DCSTAMP: variants seen among roughly 807,000 people sequenced by gnomAD.
DCSTAMP encodes dendritic cell-specific transmembrane protein.
In DCSTAMP, 25 loss-of-function variants were observed where a neutral mutation model predicts 33.8. That is an observed-to-expected ratio of 0.74 (90% confidence interval 0.54 to 1.03). The LOEUF (loss-of-function observed/expected upper bound fraction) is 1.03. DCSTAMP is among the 50% of genes least tolerant of loss of function. The pLI is 0.00. For missense variants in DCSTAMP, 531 were observed against 556.8 expected (o/e 0.95, Z 0.47); for synonymous variants, 245 against 216.7 (o/e 1.13, Z -1.15).
upstream of DCSTAMP, chr8:104,339,820 G>A (rs1429967971): frequency 6.6e-6 from 1 of 152,108 alleles, no homozygotes; most frequent in Non-Finnish European, 1.5e-5. Flanking sequence ...ACAGCCCTTG[G>A]GAAGTGCATT....
At chr8:104,352,119 G>C (rs1810477640) in intron 2 of DCSTAMP, among the ~76,000 whole-genome samples, 1 of 152,136 alleles carries the variant, frequency 6.6e-6, no homozygotes, top group Admixed American at 6.5e-5. Context: ...AATGTTGCCT[G>C]CAAACCCTCC....
At chr8:104,352,931 G>A (rs543282087) in intron 2 of DCSTAMP, among the ~76,000 whole-genome samples, 31 of 152,340 alleles carry the variant, frequency 2.0e-4, no homozygotes, top group African/African-American at 7.2e-4. Context: ...TGCCCTTGGG[G>A]GCTCCTTGTC....
At chr8:104,346,362 C>T (rs2514667) in intron 1 of DCSTAMP, among the ~76,000 whole-genome samples, 55,603 of 152,088 alleles carry the variant, frequency 0.37, 12,796 homozygotes, top group Non-Finnish European at 0.52. Flanking sequence ...CCCACCTGCC[C>T]GCAGTCCTCC....
intron 1 of DCSTAMP, among the ~76,000 whole-genome samples, chr8:104,344,927 G>C (rs1810260061): frequency 6.6e-6 from 1 of 152,104 alleles, no homozygotes; most frequent in South Asian, 2.1e-4. Flanking sequence ...CACCTTGGAG[G>C]TTGGTACAAT....
At chr8:104,354,119 A>C (rs1810544858) in intron 2 of DCSTAMP, among the ~76,000 whole-genome samples, 1 of 152,304 alleles carries the variant, frequency 6.6e-6, no homozygotes, top group South Asian at 2.1e-4. Context: ...TTCAAAAAGA[A>C]GGAATGTACC....
rs754939866 is a variant in DCSTAMP at position 104,348,655 on chromosome 8, G to T, written c.103G>T (p.Val35Phe). 38 of 1,614,106 alleles carry T rather than the reference G, an allele frequency of 2.4e-5. No individual in the cohort carries two copies. Among genetic ancestry groups the T allele is most frequent in the Non-Finnish European group, 3.1e-5 (37 of 1,180,048 alleles). The change falls in exon 2 of 4, where the codon GTT (valine) becomes TTT (phenylalanine). Residue 35 changes from valine to phenylalanine, a missense_variant. Coordinates refer to ENST00000297581, the MANE Select transcript of DCSTAMP (RefSeq NM_030788.4). ...GATGGACTTTATCCAGCATTTGGGA[G>T]TTTGCTGTTTGGTTGCTCTTATTTC... The part of the protein sequence containing the change: ...GWMDFIQHLG[V>F]CCLVALISVG...
chr8:104,344,539 A>G (rs1588370044), intron 1 of DCSTAMP, among the ~76,000 whole-genome samples: 1 of 152,230 alleles, frequency 6.6e-6, no homozygotes, highest in East Asian at 1.9e-4. Context: ...TCTTCACGAG[A>G]GCAGCTTCAG....
At chr8:104,353,647 G>A (rs1365190879) in intron 2 of DCSTAMP, among the ~76,000 whole-genome samples, 1 of 152,202 alleles carries the variant, frequency 6.6e-6, no homozygotes, top group Non-Finnish European at 1.5e-5. Context: ...GCACAGTGCT[G>A]GGGAAATTAT....
rs146388338 is a variant in DCSTAMP at position 104,356,228 on chromosome 8, C to T, written c.*30C>T. The T allele has an allele frequency of 2.5e-6, 4 of 1,598,288 alleles. No homozygotes were observed. In the African/African-American group the frequency reaches 5.4e-5, roughly 22 times the overall value. ...CCCCGACTACTCCTCAGCCACATCG[C>T]ACCAACAATTCTCTTCAGGTCTAGG... On this transcript the variant is annotated 3_prime_UTR_variant, in exon 4 of 4. Coordinates refer to ENST00000297581, the MANE Select transcript of DCSTAMP (RefSeq NM_030788.4).
At position 104,349,458 on chromosome 8, in the gene DCSTAMP, C is replaced by G; in HGVS notation, c.906C>G (p.Ile302Met). Residue 302 changes from isoleucine (I) to methionine (M), a missense_variant, in exon 2 of 4, where the codon ATC (isoleucine) becomes ATG (methionine). Coordinates refer to ENST00000297581, the MANE Select transcript of DCSTAMP (RefSeq NM_030788.4). ...NLGLFFLPIL[I>M]HLCIWVLFAA... ...GGCTGTTTTTCCTCCCCATACTTAT[C>G]CATCTCTGCATCTGGGTGCTGTTTG... 4 of 1,614,172 alleles carry G rather than the reference C, an allele frequency of 2.5e-6. No individual in the cohort carries two copies. Among genetic ancestry groups the G allele is most frequent in the African/African-American group, 1.3e-5 (1 of 75,032 alleles).
chr8:104,342,384 TA>T (rs916566669), intron 1 of DCSTAMP, among the ~76,000 whole-genome samples: 11 of 152,326 alleles, frequency 7.2e-5, no homozygotes, highest in East Asian at 5.8e-4. Context: ...AACAGTTTTT[TA>T]AGAACCAGAA....
At chr8:104,356,069 C>A in intron 3 of DCSTAMP, 55 bp from the exon 4 acceptor site, 2 of 1,488,386 alleles carry the variant, frequency 1.3e-6, no homozygotes, top group Non-Finnish European at 1.8e-6. Context: ...ATGTCAGAGG[C>A]ATTTAAAATG....
At position 104,345,389 on chromosome 8, in the gene DCSTAMP, C is replaced by T. The variant is rs780294652; in HGVS notation, c.-12-3152C>T. Among the ~76,000 whole-genome samples, 75 of 152,022 alleles carry T rather than the reference C, an allele frequency of 4.9e-4. 2 individuals are homozygous for T. The highest frequency in any genetic ancestry group is 5.3e-4 in the Non-Finnish European group (36 of 68,016). ...AACATCAGCCTTTGGGCTCATGGGC[C>T]GAAATTGTGCTCTGGAGCTTGAGCT... On this transcript the variant is annotated intron_variant, in intron 1 of 3. Transcript: ENST00000297581.
chr8:104,350,722 AC>A (rs1810437396), intron 2 of DCSTAMP, among the ~76,000 whole-genome samples: 1 of 152,162 alleles, frequency 6.6e-6, no homozygotes, highest in South Asian at 2.1e-4. Flanking sequence ...TGGTTCATAG[AC>A]CACATTTTGA....
chr8:104,353,787 C>A (rs1325890989), intron 2 of DCSTAMP, among the ~76,000 whole-genome samples: 1 of 152,200 alleles, frequency 6.6e-6, no homozygotes, highest in Admixed American at 6.5e-5. Flanking sequence ...AGTCATTTAC[C>A]TTTTCCCAGC....
chr8:104,348,840 T>C lies in DCSTAMP; in HGVS notation c.288T>C (p.Asn96=). ...CTTGTGGCCTGCGTGAAGGCAGGAATGCTTTGATTGCAGCTGGCACAGGGA... is the reference window on the plus strand; with the variant it reads ...CTTGTGGCCTGCGTGAAGGCAGGAACGCTTTGATTGCAGCTGGCACAGGGA... The part of the protein sequence containing the change: ...FLSCGLREGR[N]ALIAAGTGIV... The change falls in exon 2 of 4, where the codon AAT becomes AAC. Residue 96 remains asparagine (N), a synonymous_variant. Coordinates refer to ENST00000297581, the MANE Select transcript of DCSTAMP (RefSeq NM_030788.4). 1 of 1,614,238 alleles carries C rather than the reference T, an allele frequency of 6.2e-7. No homozygotes were observed. Among genetic ancestry groups the C allele is most frequent in the Non-Finnish European group, 8.5e-7 (1 of 1,180,050 alleles).
At position 104,354,921 on chromosome 8, in the gene DCSTAMP, A is replaced by G. The variant is rs1810574820; in HGVS notation, c.1074A>G (p.Ile358Met). The G allele has an allele frequency of 1.2e-6, 2 of 1,609,390 alleles. No individual in the cohort carries two copies. Among genetic ancestry groups the G allele is most frequent in the African/African-American group, 1.3e-5 (1 of 74,812 alleles). The part of the protein sequence containing the change: ...QDIIHDSSFN[I>M]SVFEPNCIPK... ...TTATCCATGATTCTTCCTTTAATAT[A>G]TCTGTGTTTGAACCCAACTGTATCC... is the stretch of plus-strand genomic sequence containing the variant. The change falls in exon 3 of 4, where the codon ATA becomes ATG. Residue 358 changes from isoleucine (I) to methionine (M), a missense_variant. Coordinates refer to ENST00000297581, the MANE Select transcript of DCSTAMP (RefSeq NM_030788.4).
chr8:104,346,107 G>A (rs893436258), intron 1 of DCSTAMP, among the ~76,000 whole-genome samples: 1 of 152,226 alleles, frequency 6.6e-6, no homozygotes, highest in African/African-American at 2.4e-5. Context: ...GACAAATTCC[G>A]GCAAGCACTC....
At chr8:104,356,072 T>G (rs1810618656) in intron 3 of DCSTAMP, 52 bp from the exon 4 acceptor site, 2 of 1,545,080 alleles carry the variant, frequency 1.3e-6, no homozygotes, top group Admixed American at 3.7e-5. Context: ...TCAGAGGCAT[T>G]TAAAATGACT....
Sources: gnomAD v4.1 joint callset for allele counts (sites outside exome capture counted in the v4.1 genomes callset) on GRCh38, gnomAD v4.1.1 for gene constraint, MANE v1.5 for transcripts, NCBI Gene and HGNC (gene_info 2026-07-23, HGNC 2026-07-21) for gene names.